Variants in PCGF6 observed in about 807,000 individuals in gnomAD.
PCGF6 encodes the protein polycomb group RING finger protein 6.
PCGF6 carries 24 observed loss-of-function variants against 45.5 expected under a neutral mutation model. The ratio of observed to expected loss-of-function variants is 0.53; its 90% CI spans 0.38 to 0.74. The LOEUF (loss-of-function observed/expected upper bound fraction) is 0.74. Among genes scored for constraint, PCGF6 ranks in the 30% least tolerant of loss-of-function variants. The pLI, the probability that PCGF6 is intolerant of heterozygous loss-of-function variation, is 0.00. For missense variants in PCGF6, 356 were observed against 443.2 expected, an observed-to-expected ratio of 0.80 and a Z score of 1.77; for synonymous variants, 152 against 162.1, an observed-to-expected ratio of 0.94 and a Z score of 0.47.
At position 103,350,837 on chromosome 10, in the gene PCGF6, A is replaced by G. The variant is rs2093318380; in HGVS notation, c.230T>C (p.Phe77Ser). 2 of 1,546,158 alleles carry G rather than the reference A, an allele frequency of 1.3e-6. No homozygotes were observed. Among genetic ancestry groups the G allele is most frequent in the Non-Finnish European group, 1.7e-6 (2 of 1,145,432 alleles). Residue 77 changes from phenylalanine (F) to serine (S), a missense_variant, in exon 1 of 10, where the codon TTC becomes TCC. By Grantham distance (155) the Phe-to-Ser change is radical. Transcript: ENST00000369847. ...TTCCAACTCCTCGTCCTCGTCCTCGAAGCGGCCTCTGAAGCGGCCCAGGCT... is the reference window on the plus strand; with the variant it reads ...TTCCAACTCCTCGTCCTCGTCCTCGGAGCGGCCTCTGAAGCGGCCCAGGCT... ...ERSLGRFRGRFEDEDEELEEE... is the reference protein window; with the variant it reads ...ERSLGRFRGRSEDEDEELEEE...
chr10:103,346,738 T>C (rs2093301175), intron 5 of PCGF6, among the ~76,000 whole-genome samples: 1 of 152,186 alleles, frequency 6.6e-6, no homozygotes, highest in African/African-American at 2.4e-5. Context: ...GAGGTTGCGG[T>C]GAGCTGAGAT....
chr10:103,321,794 T>G (rs1032425451), intron 8 of PCGF6, among the ~76,000 whole-genome samples: 1 of 152,038 alleles, frequency 6.6e-6, no homozygotes, highest in Admixed American at 6.6e-5. Flanking sequence ...ACAAAAAATG[T>G]GAGGTAATGG....
chr10:103,331,430 G>A (rs1389166665), intron 7 of PCGF6, among the ~76,000 whole-genome samples: 1 of 151,794 alleles, frequency 6.6e-6, no homozygotes, highest in Non-Finnish European at 1.5e-5. Flanking sequence ...GCTAATTTTT[G>A]TATTTTTAAT....
intron 6 of PCGF6, 40 bp from the exon 7 acceptor site, chr10:103,333,992 T>C (rs1469951252): frequency 7.4e-7 from 1 of 1,344,186 alleles, no homozygotes; most frequent in Non-Finnish European, 1.0e-6. Flanking sequence ...TTTAATACTT[T>C]AAGCTATATG....
chr10:103,335,549 G>A (rs572946342), intron 6 of PCGF6, among the ~76,000 whole-genome samples: 52 of 152,134 alleles, frequency 3.4e-4, no homozygotes, highest in African/African-American at 1.2e-3. Context: ...TTTTAGTATA[G>A]ACGGGGTTTC....
chr10:103,309,954 CTT>C lies in PCGF6; in HGVS notation c.996+4230_996+4231del, dbSNP rs775316303. On this transcript the variant is annotated intron_variant, in intron 9 of 9. Transcript: ENST00000369847. ...CAAAACAGAGTGAGACCTTGTCTTT[CTT>C]TTTTTTTTTTTTGAGACAGAGTTTT... Among the ~76,000 whole-genome samples the C allele has an allele frequency of 7.4e-4, 105 of 141,408 alleles. 1 individual carries two copies. Among genetic ancestry groups the C allele is most frequent in the African/African-American group, 2.0e-3 (77 of 38,720 alleles). The allele number at this position is 141,408 out of a possible 152,430, so 92.8% of individuals were successfully genotyped here.
Position 103,304,019 on chromosome 10 carries a change from G to T in PCGF6, c.997-58C>A. ...GTTCTTTCAAACCAGTAATGCAAAT[G>T]ATCAAGTCAAAGCTGGCTTACTTTT... On this transcript the variant is annotated intron_variant, in intron 9 of 9. Coordinates refer to ENST00000369847, the MANE Select transcript of PCGF6 (RefSeq NM_001011663.2). 3 of 1,411,222 alleles carry T rather than the reference G, an allele frequency of 2.1e-6. No individual in the cohort carries two copies. In the South Asian group the frequency reaches 3.5e-5, roughly 16 times the overall value. The allele number at this position is 1,411,222 out of a possible 1,614,324, so 87.4% of individuals were successfully genotyped here.
chr10:103,316,007 T>TAGAG (rs1415794640), intron 8 of PCGF6, among the ~76,000 whole-genome samples: 3 of 128,034 alleles, frequency 2.3e-5, no homozygotes, highest in Non-Finnish European at 5.1e-5. Context: ...TATATATATA[T>TAGAG]ATATATAGAG....
intron 9 of PCGF6, 112 bp downstream of exon 9, chr10:103,314,074 T>C (rs2093166505): frequency 2.3e-6 from 1 of 443,038 alleles, no homozygotes; most frequent in Non-Finnish European, 4.0e-6. Context: ...TTATTATTTA[T>C]AGTGTAGGTA....
intron 7 of PCGF6, among the ~76,000 whole-genome samples, chr10:103,332,234 T>C (rs761115895): frequency 6.6e-6 from 1 of 152,258 alleles, no homozygotes; most frequent in East Asian, 1.9e-4. Flanking sequence ...CACAACTATA[T>C]ATTCTGGGTT....
chr10:103,343,469 G>GGA (rs2093288312), intron 6 of PCGF6, among the ~76,000 whole-genome samples: 1 of 151,952 alleles, frequency 6.6e-6, no homozygotes, highest in African/African-American at 2.4e-5. Context: ...GCCAACTCTG[G>GGA]GACCATGACA....
chr10:103,321,460 T>A (rs2093197004), intron 8 of PCGF6, among the ~76,000 whole-genome samples: 1 of 152,130 alleles, frequency 6.6e-6, no homozygotes, highest in Non-Finnish European at 1.5e-5. Flanking sequence ...ATGCCTGTAA[T>A]CCCAGCACTT....
At chr10:103,341,726 G>C (rs1255115031) in intron 6 of PCGF6, among the ~76,000 whole-genome samples, 1 of 151,936 alleles carries the variant, frequency 6.6e-6, no homozygotes, top group Non-Finnish European at 1.5e-5. Context: ...TTACAGGCGA[G>C]AGCCACTGCG....
At chr10:103,323,359 C>T (rs2093204785) in intron 8 of PCGF6, among the ~76,000 whole-genome samples, 1 of 148,328 alleles carries the variant, frequency 6.7e-6, no homozygotes, top group Non-Finnish European at 1.5e-5. Flanking sequence ...TGCAGTGGCG[C>T]CATCTCGGCT....
At chr10:103,310,200 C>A (rs1458091564) in intron 9 of PCGF6, among the ~76,000 whole-genome samples, 4 of 151,516 alleles carry the variant, frequency 2.6e-5, no homozygotes, top group African/African-American at 9.7e-5. Context: ...GATCCCCCCA[C>A]CTCGGCCTCT....
chr10:103,332,946 C>G (rs929702976), intron 7 of PCGF6, among the ~76,000 whole-genome samples: 6 of 151,942 alleles, frequency 3.9e-5, no homozygotes, highest in Non-Finnish European at 8.8e-5. Flanking sequence ...GAAACACCGT[C>G]TCTACTAAAA....
intron 1 of PCGF6, among the ~76,000 whole-genome samples, chr10:103,349,882 A>G (rs866947456): frequency 2.7e-5 from 4 of 150,812 alleles, no homozygotes; most frequent in African/African-American, 9.7e-5. Context: ...GGAGATCGAG[A>G]CCATCCTGGC....
rs535036902 is a variant in PCGF6 at position 103,342,788 on chromosome 10, T to C, written c.782+2236A>G. On this transcript the variant is annotated intron_variant, in intron 6 of 9. Coordinates refer to ENST00000369847, the MANE Select transcript of PCGF6 (RefSeq NM_001011663.2). ...ACCTACTCCCTTATAGAGATATAAA[T>C]TGCAACACTCTTTAATAATAGAAAT... Among the ~76,000 whole-genome samples the C allele has an allele frequency of 8.3e-4, 126 of 152,292 alleles. 1 individual carries two copies. The highest frequency in any genetic ancestry group is 2.8e-3 in the African/African-American group (118 of 41,576).
intron 6 of PCGF6, among the ~76,000 whole-genome samples, chr10:103,343,014 T>C (rs947446455): frequency 6.6e-6 from 1 of 152,050 alleles, no homozygotes; most frequent in Non-Finnish European, 1.5e-5. Context: ...CTGCAAGCTC[T>C]GCCTCCTGGG....
Sources: gnomAD v4.1 joint callset for allele counts (sites outside exome capture counted in the v4.1 genomes callset) on GRCh38, gnomAD v4.1.1 for gene constraint, MANE v1.5 for transcripts, NCBI Gene and HGNC (gene_info 2026-07-23, HGNC 2026-07-21) for gene names.